The following GCSAM variants were observed in gnomAD, a reference collection of about 807,000 sequenced individuals.
GCSAM encodes the protein germinal center-associated signaling and motility protein.
GCSAM carries 8 observed loss-of-function variants against 17.6 expected under a neutral mutation model. That is an observed-to-expected ratio of 0.46 (90% confidence interval 0.27 to 0.82). The LOEUF (loss-of-function observed/expected upper bound fraction) is 0.82. Among genes scored for constraint, GCSAM ranks in the 40% least tolerant of loss-of-function variants. GCSAM has a pLI of 0.15. For missense variants in GCSAM, 192 were observed against 213.5 expected (o/e 0.90, Z 0.63); for synonymous variants, 68 against 69.0 (o/e 0.98, Z 0.07).
intron 1 of GCSAM, 50 bp from the exon 2 acceptor site, chr3:112,130,563 G>T: frequency 6.6e-7 from 1 of 1,508,042 alleles, no homozygotes; most frequent in Non-Finnish European, 9.2e-7. Context: ...AAACAGGCCT[G>T]TCACTTCTTT....
chr3:112,125,328 A>C (rs1471408511), intron 4 of GCSAM, 74 bp from the exon 5 acceptor site: 1 of 1,029,194 alleles, frequency 9.7e-7, no homozygotes, highest in Non-Finnish European at 1.5e-6. Flanking sequence ...GGAGGCTAGA[A>C]TATAAATAAC....
At chr3:112,129,503 A>G (rs1426101218) in intron 2 of GCSAM, 2 of 152,158 alleles carry the variant, frequency 1.3e-5, no homozygotes, top group East Asian at 1.9e-4. Context: ...ACAAATCTCT[A>G]TACCCTTAGG....
rs1164489642 is a variant in GCSAM at position 112,121,035 on chromosome 3, T to C, written c.*2420A>G. ...CTCCCCTTGCTCAAAAGTAATTCCC[T>C]TTCATAATCCCTCTTATAATTCCCT... On this transcript the variant is annotated 3_prime_UTR_variant, in exon 6 of 6. Coordinates refer to ENST00000308910, the MANE Select transcript of GCSAM (RefSeq NM_152785.5). 1.3e-5 allele frequency: 2 copies of C among 152,200 alleles called. No homozygotes were observed. The highest frequency in any genetic ancestry group is 4.8e-5 in the African/African-American group (2 of 41,444). The allele number at this position is 152,200 out of a possible 1,614,324, so 9.4% of individuals were successfully genotyped here. A position where few individuals can be genotyped will look rare whatever the true frequency, so the allele number is the denominator to read the frequency against.
At chr3:112,132,848 T>G in intron 1 of GCSAM, 1 of 476,706 alleles carries the variant, frequency 2.1e-6, no homozygotes, top group Non-Finnish European at 3.5e-6. Context: ...CTTGGTAAAG[T>G]CTTTCCACCT....
chr3:112,123,821 C>G, intron 5 of GCSAM, 49 bp from the exon 6 acceptor site: 1 of 1,568,026 alleles, frequency 6.4e-7, no homozygotes, highest in South Asian at 1.2e-5. Flanking sequence ...CTTGCCATGA[C>G]CTTTACATTT....
In GCSAM at chr3:112,122,219, T is replaced by C. The variant is rs1275503695; in HGVS notation, c.*1236A>G. The C allele has an allele frequency of 6.6e-6, 1 of 152,240 alleles. No individual in the cohort carries two copies. The highest frequency in any genetic ancestry group is 1.5e-5 in the Non-Finnish European group (1 of 68,036). 9.4% of individuals were successfully genotyped at this position (152,240 alleles called of 1,614,324 possible). A position where few individuals can be genotyped will look rare whatever the true frequency, so the allele number is the denominator to read the frequency against. ...ACTATAATCATTTAGGGCAGGTGTC[T>C]GCAAACTTTTTTTCCAAAAAGTGCC... On this transcript the variant is annotated 3_prime_UTR_variant, in exon 6 of 6. Coordinates refer to ENST00000308910, the MANE Select transcript of GCSAM (RefSeq NM_152785.5).
At chr3:112,127,098 C>T in intron 3 of GCSAM, 65 bp from the exon 4 acceptor site, 1 of 1,034,476 alleles carries the variant, frequency 9.7e-7, no homozygotes, top group Admixed American at 2.1e-5. Flanking sequence ...ATGACACAAG[C>T]CTACAAAACT....
intron 1 of GCSAM, among the ~76,000 whole-genome samples, chr3:112,131,206 A>C (rs915280553): frequency 2.0e-5 from 3 of 152,200 alleles, no homozygotes; most frequent in African/African-American, 7.2e-5. Flanking sequence ...ACTGAGGCCC[A>C]AAATGCTAGG....
chr3:112,124,259 A>G (rs1358770708), intron 5 of GCSAM, among the ~76,000 whole-genome samples: 3 of 152,158 alleles, frequency 2.0e-5, no homozygotes, highest in Non-Finnish European at 4.4e-5. Flanking sequence ...GTGGACTAAG[A>G]CACTACCCAT....
At chr3:112,132,201 T>C (rs982347535) in intron 1 of GCSAM, among the ~76,000 whole-genome samples, 4 of 152,108 alleles carry the variant, frequency 2.6e-5, no homozygotes, top group African/African-American at 9.7e-5. Flanking sequence ...GGAAGGGACA[T>C]GAGATATTCC....
intron 4 of GCSAM, among the ~76,000 whole-genome samples, chr3:112,126,593 T>C (rs2074325812): frequency 6.6e-6 from 1 of 152,220 alleles, no homozygotes. Flanking sequence ...CTCCCCACTG[T>C]GTAAAGCCAG....
Position 112,128,037 on chromosome 3 carries a change from T to C in GCSAM, c.123A>G (p.Glu41=). 6.2e-7 allele frequency: 1 copy of C among 1,613,824 alleles called. No individual in the cohort carries two copies. The highest frequency in any genetic ancestry group is 1.1e-5 in the South Asian group (1 of 91,072). ...TSRCWDHHIA[E]GCFCLPWKKI... is the part of the protein sequence containing the mutation. ...CTCACCATGGAAGGCAGAAACACCC[T>C]TCAGCGATATGGTGATCCCAGCATC... The change falls in exon 3 of 6, where the codon GAA becomes GAG. Residue 41 remains glutamate, a synonymous_variant. Coordinates refer to ENST00000308910, the MANE Select transcript of GCSAM (RefSeq NM_152785.5).
chr3:112,129,578 C>G (rs1212386435), intron 2 of GCSAM: 2 of 152,228 alleles, frequency 1.3e-5, no homozygotes, highest in East Asian at 3.9e-4. Context: ...TCTGGTCTAC[C>G]CAACCTCTCC....
In GCSAM at chr3:112,128,075, G is replaced by A; in HGVS notation, c.99-14C>T. ...TGATCCCAGCATCTAAAATACCCAA[G>A]AGAGATGGCAAATCATAAGGTTGAT... On this transcript the variant is annotated splice_polypyrimidine_tract_variant and intron_variant, in intron 2 of 5. Coordinates refer to ENST00000308910, the MANE Select transcript of GCSAM (RefSeq NM_152785.5). 1.2e-6 allele frequency: 2 copies of A among 1,612,048 alleles called. No individual in the cohort carries two copies. Among genetic ancestry groups the A allele is most frequent in the South Asian group, 1.1e-5 (1 of 91,048 alleles).
rs949945239 is a variant in GCSAM, at chr3:112,123,195, C to G, written c.*260G>C. Reference sequence around the variant, plus strand: ...TAGGGGAATCAGGGAGCCCCTCCTACCACTATACTCTCCAAACCATGTAGA... The same window carrying G: ...TAGGGGAATCAGGGAGCCCCTCCTAGCACTATACTCTCCAAACCATGTAGA... On this transcript the variant is annotated 3_prime_UTR_variant, in exon 6 of 6. Coordinates refer to ENST00000308910, the MANE Select transcript of GCSAM (RefSeq NM_152785.5). The G allele has an allele frequency of 1.6e-5, 9 of 548,632 alleles. No individual in the cohort carries two copies. The highest frequency in any genetic ancestry group is 1.5e-4 in the African/African-American group (8 of 52,696). 34.0% of individuals were successfully genotyped at this position (548,632 alleles called of 1,614,324 possible). A position where few individuals can be genotyped will look rare whatever the true frequency, so the allele number is the denominator to read the frequency against.
intron 2 of GCSAM, chr3:112,128,319 A>G: frequency 3.2e-6 from 2 of 633,002 alleles, no homozygotes; most frequent in South Asian, 3.1e-5. Context: ...CTCACTCTCA[A>G]TTCTGGTAAT....
At chr3:112,124,117 GAGC>G (rs1362995398) in intron 5 of GCSAM, among the ~76,000 whole-genome samples, 3 of 152,184 alleles carry the variant, frequency 2.0e-5, no homozygotes, top group Non-Finnish European at 4.4e-5. Flanking sequence ...TTGGTTATGG[GAGC>G]AGATTTCTCA....
chr3:112,130,417 G>A (rs2107813216), intron 2 of GCSAM, 28 bp downstream of exon 2: 2 of 1,592,920 alleles, frequency 1.3e-6, no homozygotes, highest in Non-Finnish European at 1.7e-6. Flanking sequence ...GCAAGGTCTG[G>A]GGGGTGTTTG....
chr3:112,130,138 C>A, intron 2 of GCSAM: 2 of 326,328 alleles, frequency 6.1e-6, no homozygotes, highest in South Asian at 5.0e-5. Flanking sequence ...CACAAAGGTA[C>A]CTGAGATAGA....
Sources: gnomAD v4.1 joint callset for allele counts (sites outside exome capture counted in the v4.1 genomes callset) on GRCh38, gnomAD v4.1.1 for gene constraint, MANE v1.5 for transcripts, NCBI Gene and HGNC (gene_info 2026-07-23, HGNC 2026-07-21) for gene names.